The following CTNND2 variants were observed in gnomAD, a reference collection of about 807,000 sequenced individuals.
CTNND2 encodes catenin delta 2, also known as catenin delta-2.
A neutral mutation model predicts 144.4 loss-of-function variants in CTNND2; 22 were observed. The observed-to-expected ratio is 0.15, with a 90% confidence interval of 0.11 to 0.22. The LOEUF (loss-of-function observed/expected upper bound fraction) is 0.22, where lower values mean the gene tolerates loss of function less well. CTNND2 is among the 10% of genes least tolerant of loss of function. CTNND2 has a pLI of 1.00. For synonymous variants in CTNND2, 751 were observed against 695.6 expected, an observed-to-expected ratio of 1.08 and a Z score of -1.25; for missense variants, 1,353 against 1,618.8, an observed-to-expected ratio of 0.84 and a Z score of 2.82.
At chr5:11,644,955 T>A (rs1782271278) in intron 2 of CTNND2, among the ~76,000 whole-genome samples, 1 of 152,168 alleles carries the variant, frequency 6.6e-6, no homozygotes, top group African/African-American at 2.4e-5. Flanking sequence ...TATATATGTA[T>A]ATACTTTCAC....
At chr5:11,586,753 T>C (rs1778892776) in intron 2 of CTNND2, among the ~76,000 whole-genome samples, 1 of 152,224 alleles carries the variant, frequency 6.6e-6, no homozygotes, top group South Asian at 2.1e-4. Context: ...CACTTGAAAC[T>C]ATTTTTTGTT....
chr5:11,404,916 CAT>C (rs5865938), intron 5 of CTNND2, among the ~76,000 whole-genome samples: 13,909 of 152,064 alleles, frequency 0.091, 808 homozygotes, highest in Non-Finnish European at 0.12. Context: ...GGCCAATATT[CAT>C]ATGTTTTAAC....
chr5:11,593,217 T>A (rs1453924260), intron 2 of CTNND2, among the ~76,000 whole-genome samples: 1 of 152,088 alleles, frequency 6.6e-6, no homozygotes, highest in Non-Finnish European at 1.5e-5. Context: ...AAGTTATAAA[T>A]TGGGCCATAT....
At chr5:11,419,816 G>A (rs1762223146) in intron 3 of CTNND2, among the ~76,000 whole-genome samples, 1 of 152,154 alleles carries the variant, frequency 6.6e-6, no homozygotes. Context: ...CATCTGTTAT[G>A]AACCTGCTCA....
At chr5:11,740,779 G>A (rs1420376961) in intron 1 of CTNND2, among the ~76,000 whole-genome samples, 2 of 152,104 alleles carry the variant, frequency 1.3e-5, no homozygotes, top group East Asian at 1.9e-4. Flanking sequence ...GAAAATTTTT[G>A]CAATCTACCC....
At chr5:11,454,404 G>C (rs930378688) in intron 3 of CTNND2, among the ~76,000 whole-genome samples, 3 of 151,868 alleles carry the variant, frequency 2.0e-5, no homozygotes, top group African/African-American at 7.3e-5. Flanking sequence ...TGGTGACAGA[G>C]CGAGACTCCG....
At chr5:11,752,943 G>A (rs1561764808) in intron 1 of CTNND2, among the ~76,000 whole-genome samples, 2 of 151,784 alleles carry the variant, frequency 1.3e-5, no homozygotes, top group African/African-American at 2.4e-5. Flanking sequence ...TGTGGCTATT[G>A]TGAATGGGGT....
At chr5:11,109,711 G>A (rs923715656) in intron 14 of CTNND2, among the ~76,000 whole-genome samples, 1 of 150,328 alleles carries the variant, frequency 6.7e-6, no homozygotes, top group Non-Finnish European at 1.5e-5. Flanking sequence ...TTAACTTAGT[G>A]CCTTTATGAA....
At chr5:11,336,650 G>A (rs994472737) in intron 9 of CTNND2, among the ~76,000 whole-genome samples, 2 of 152,008 alleles carry the variant, frequency 1.3e-5, no homozygotes, top group Non-Finnish European at 2.9e-5. Context: ...TGGATTACAT[G>A]TATATATAAA....
intron 3 of CTNND2, among the ~76,000 whole-genome samples, chr5:11,498,775 T>A (rs1379950606): frequency 2.6e-5 from 4 of 152,224 alleles, no homozygotes; most frequent in Admixed American, 6.5e-5. Flanking sequence ...TTAAAACAAA[T>A]TTTTTAAAGC....
At chr5:11,765,391 T>C (rs928549807) in intron 1 of CTNND2, among the ~76,000 whole-genome samples, 14 of 152,132 alleles carry the variant, frequency 9.2e-5, no homozygotes, top group Middle Eastern at 3.4e-3. Flanking sequence ...CACAGCAAGG[T>C]TCCAGGCTGC....
At position 11,111,054 on chromosome 5, in the gene CTNND2, G is replaced by T; in HGVS notation, c.2278-11C>A. 1 of 1,607,786 alleles carries T rather than the reference G, an allele frequency of 6.2e-7. No homozygotes were observed. The highest frequency in any genetic ancestry group is 8.5e-7 in the Non-Finnish European group (1 of 1,174,940). On this transcript the variant is annotated splice_polypyrimidine_tract_variant and intron_variant, in intron 13 of 21. Coordinates refer to ENST00000304623, the MANE Select transcript of CTNND2 (RefSeq NM_001332.4). The stretch of plus-strand genomic sequence containing the variant: ...ACAGTTTTCAACGGTCTGCAGAAAA[G>T]GGGGAAACAGAGGAAAGAATGAGTA...
chr5:11,135,094 A>T (rs1756001535), intron 12 of CTNND2, among the ~76,000 whole-genome samples: 1 of 152,094 alleles, frequency 6.6e-6, no homozygotes, highest in African/African-American at 2.4e-5. Flanking sequence ...TGATTTAAAA[A>T]TTGTGCACTT....
At chr5:11,578,119 G>C (rs1206883286) in intron 2 of CTNND2, among the ~76,000 whole-genome samples, 1 of 151,988 alleles carries the variant, frequency 6.6e-6, no homozygotes, top group Non-Finnish European at 1.5e-5. Flanking sequence ...ATTTTTCATA[G>C]CTCCTGCTCC....
chr5:11,320,616 A>C (rs1751936671), intron 9 of CTNND2, among the ~76,000 whole-genome samples: 1 of 152,220 alleles, frequency 6.6e-6, no homozygotes, highest in African/African-American at 2.4e-5. Context: ...AAGGAAGAGC[A>C]AGTCACATCT....
intron 21 of CTNND2, among the ~76,000 whole-genome samples, chr5:10,979,656 ACTCT>A (rs376019453): frequency 1.6e-4 from 24 of 150,066 alleles, no homozygotes; most frequent in African/African-American, 5.9e-4. Flanking sequence ...ACACACATAT[ACTCT>A]CTCTCTCTCT....
At chr5:11,558,393 TCTCA>T (rs1776414969) in intron 3 of CTNND2, among the ~76,000 whole-genome samples, 1 of 145,552 alleles carries the variant, frequency 6.9e-6, no homozygotes, top group Non-Finnish European at 1.5e-5. Context: ...ACACACAAGG[TCTCA>T]CTCTGTTGCC....
intron 3 of CTNND2, among the ~76,000 whole-genome samples, chr5:11,468,979 C>T (rs1254765201): frequency 6.6e-6 from 1 of 152,124 alleles, no homozygotes; most frequent in Non-Finnish European, 1.5e-5. Flanking sequence ...TGGGTTTCTG[C>T]AGGTCATATA....
intron 1 of CTNND2, among the ~76,000 whole-genome samples, chr5:11,782,296 T>C (rs1238688696): frequency 1.3e-5 from 2 of 152,148 alleles, no homozygotes; most frequent in African/African-American, 2.4e-5. Context: ...CACGATGCAA[T>C]TGGGCTCATG....
Sources: gnomAD v4.1 joint callset for allele counts (sites outside exome capture counted in the v4.1 genomes callset) on GRCh38, gnomAD v4.1.1 for gene constraint, MANE v1.5 for transcripts, NCBI Gene and HGNC (gene_info 2026-07-23, HGNC 2026-07-21) for gene names.